ALKBH2: variants seen among roughly 807,000 people sequenced by gnomAD.
The protein encoded by ALKBH2 is alkB homolog 2, alpha-ketoglutarate dependent dioxygenase, also known as DNA oxidative demethylase ALKBH2.
In ALKBH2, 19 loss-of-function variants were observed where a neutral mutation model predicts 19.7. The ratio of observed to expected loss-of-function variants is 0.97; its 90% CI spans 0.67 to 1.42. The LOEUF is 1.42. Ranked by LOEUF, ALKBH2 falls within the 40% of genes most tolerant of loss-of-function variation. The probability of loss-of-function intolerance (pLI) is 0.00; values close to 1 mark genes in which losing one functional copy is unlikely to be tolerated. For missense variants in ALKBH2, 310 were observed against 328.5 expected, an observed-to-expected ratio of 0.94 and a Z score of 0.43; for synonymous variants, 135 against 131.2, an observed-to-expected ratio of 1.03 and a Z score of -0.20.
chr12:109,091,797 G>A (rs1271891828), intron 2 of ALKBH2, among the ~76,000 whole-genome samples: 1 of 152,178 alleles, frequency 6.6e-6, no homozygotes, highest in Non-Finnish European at 1.5e-5. Flanking sequence ...TGATTCGCCC[G>A]TCTCGGGCTC....
chr12:109,093,056 T>C (rs1266003941), intron 1 of ALKBH2, 119 bp from the exon 2 acceptor site: 5 of 663,116 alleles, frequency 7.5e-6, no homozygotes, highest in Middle Eastern at 4.7e-4. Context: ...AACCCAGAGG[T>C]CTGCACTCCA....
rs767226882 is a variant in ALKBH2 at position 109,092,507 on chromosome 12, C to G, written c.280G>C (p.Gly94Arg). 1.4e-5 allele frequency: 22 copies of G among 1,570,472 alleles called. No individual in the cohort carries two copies. The highest frequency in any genetic ancestry group is 1.1e-4 in the Admixed American group (6 of 56,290). ...CACACACACACACCCCTCTGCTTAC[C>G]TGTAAAATATTCTACTTCTTTCTCC... is the stretch of plus-strand genomic sequence containing the variant. ...ELEKEVEYFT[G>R]ALARVQVFGK... The change falls in exon 2 of 4, where the codon GGA becomes CGA. Residue 94 changes from glycine (G) to arginine (R), a missense_variant and splice_region_variant. Transcript: ENST00000429722.
At chr12:109,092,191 T>C in intron 2 of ALKBH2, 1 of 242,420 alleles carries the variant, frequency 4.1e-6, no homozygotes, top group Non-Finnish European at 7.8e-6. Context: ...TGAAGTGCTC[T>C]GCAGTAGAAC....
At position 109,092,729 on chromosome 12, in the gene ALKBH2, G is replaced by A. The variant is rs1209718859; in HGVS notation, c.58C>T (p.Gln20Ter). 6.2e-7 allele frequency: 1 copy of A among 1,613,904 alleles called. No homozygotes were observed. The highest frequency in any genetic ancestry group is 8.5e-7 in the Non-Finnish European group (1 of 1,180,006). ...QGGLLRKQEE[Q>*]EPTGEEPAVL... is the part of the protein sequence containing the mutation. ...GCTGGCTCTTCTCCAGTTGGCTCTTGCTCCTCCTGCTTCCTCAAAAGGCCC... is the reference window on the plus strand; with the variant it reads ...GCTGGCTCTTCTCCAGTTGGCTCTTACTCCTCCTGCTTCCTCAAAAGGCCC... Residue 20 changes from glutamine (Q) to a stop codon, truncating the protein, a stop_gained, in exon 2 of 4, where the codon CAA becomes TAA. Transcript: ENST00000429722. LOFTEE classifies it high-confidence loss of function.
Position 109,090,053 on chromosome 12 carries a change from G to GACGT in ALKBH2, c.431_434dup (p.Ser146ArgfsTer18). On this transcript the variant is annotated frameshift_variant, in exon 3 of 4. Coordinates refer to ENST00000429722, the MANE Select transcript of ALKBH2 (RefSeq NM_001145374.2). LOFTEE classifies it high-confidence loss of function. ...TGAAGGTCTGTCCAGTCACCCCAGA[G>GACGT]ACGTGATCCCGGATGCGCTCTAGAA... The GACGT allele has an allele frequency of 6.2e-7, 1 of 1,614,228 alleles. No individual in the cohort carries two copies. Among genetic ancestry groups the GACGT allele is most frequent in the Non-Finnish European group, 8.5e-7 (1 of 1,180,044 alleles).
In ALKBH2 at chr12:109,088,781, C is replaced by T. The variant is rs1040395631; in HGVS notation, c.480-269G>A. Among the ~76,000 whole-genome samples, 2 of 152,216 alleles carry T rather than the reference C, an allele frequency of 1.3e-5. No homozygotes were observed. ...CCAGGCTGAAGTGCAGTGGCACAAT[C>T]ATAGCTCACTGCAGCCTCGGCCTCC... On this transcript the variant is annotated intron_variant, in intron 3 of 3. Coordinates refer to ENST00000429722, the MANE Select transcript of ALKBH2 (RefSeq NM_001145374.2). This position sits in a 1 kb window ranked among gnomAD's most constrained non-coding sequence, Gnocchi z 4.2.
rs890925505 is a variant in ALKBH2, at chr12:109,089,905, A to G, written c.479+104T>C. Reference sequence around the variant, plus strand: ...CCACTCTTAGAGCCCCAGTGTACTAAGAAATGATTTGTACCAATGAACCAA... The same window carrying G: ...CCACTCTTAGAGCCCCAGTGTACTAGGAAATGATTTGTACCAATGAACCAA... On this transcript the variant is annotated intron_variant, in intron 3 of 3. Coordinates refer to ENST00000429722, the MANE Select transcript of ALKBH2 (RefSeq NM_001145374.2). 1.3e-5 allele frequency: 16 copies of G among 1,264,052 alleles called. No homozygotes were observed. The African/African-American group carries it at 2.3e-4, about 19-fold the overall frequency. 78.3% of individuals were successfully genotyped at this position (1,264,052 alleles called of 1,614,324 possible). A position where few individuals can be genotyped will look rare whatever the true frequency, so the allele number is the denominator to read the frequency against.
At chr12:109,091,411 G>C (rs1394809054) in intron 2 of ALKBH2, among the ~76,000 whole-genome samples, 2 of 152,066 alleles carry the variant, frequency 1.3e-5, no homozygotes, top group Non-Finnish European at 2.9e-5. Flanking sequence ...AAAGTGACGA[G>C]GGGGTCTCAC....
rs140862232 is a variant in ALKBH2 at position 109,090,140 on chromosome 12, G to A, written c.348C>T (p.Gly116=). ...HSVPRKQATY[G]DAGLTYTFSG... is the part of the protein sequence containing the mutation. The stretch of plus-strand genomic sequence containing the variant: ...AAAATGTGTAGGTCAGCCCAGCGTC[G>A]CCATACGTTGCCTGCTTCCTGGGCA... The change falls in exon 3 of 4, where the codon GGC becomes GGT. Residue 116 remains glycine (G), a synonymous_variant. Transcript: ENST00000429722. 57 of 1,613,978 alleles carry A rather than the reference G, an allele frequency of 3.5e-5. No homozygotes were observed. Among genetic ancestry groups the A allele is most frequent in the South Asian group, 2.4e-4 (22 of 91,076 alleles).
intron 2 of ALKBH2, among the ~76,000 whole-genome samples, chr12:109,090,431 T>G (rs1468210944): frequency 6.6e-6 from 1 of 152,216 alleles, no homozygotes; most frequent in East Asian, 1.9e-4. Context: ...ATTTTCTTTT[T>G]GTTTTGTTTT....
At chr12:109,089,266 G>A (rs186021726) in intron 3 of ALKBH2, among the ~76,000 whole-genome samples, 3 of 152,274 alleles carry the variant, frequency 2.0e-5, no homozygotes, top group Admixed American at 1.3e-4. Context: ...CCAGATGTCT[G>A]TGGCTGGCAC....
Position 109,088,606 on chromosome 12 carries a change from G to T in ALKBH2, c.480-94C>A. ...CTCGTTTTCCTCACAGTGTGAAACA[G>T]CACTCTGCATGGCTGTACCTGCCGT... On this transcript the variant is annotated intron_variant, in intron 3 of 3. Transcript: ENST00000429722. This position sits in a 1 kb window ranked among gnomAD's most constrained non-coding sequence, Gnocchi z 4.2. The T allele has an allele frequency of 8.2e-7, 1 of 1,224,052 alleles. No homozygotes were observed. The highest frequency in any genetic ancestry group is 1.1e-6 in the Non-Finnish European group (1 of 880,694). The allele number at this position is 1,224,052 out of a possible 1,614,324, so 75.8% of individuals were successfully genotyped here.
Position 109,092,720 on chromosome 12 carries a change from T to C in ALKBH2, c.67A>G (p.Thr23Ala), listed in dbSNP as rs760263376. The change falls in exon 2 of 4, where the codon ACT (threonine) becomes GCT (alanine). Residue 23 changes from threonine (T) to alanine (A), a missense_variant. Thr to Ala is a moderately conservative substitution (Grantham distance 58). Coordinates refer to ENST00000429722, the MANE Select transcript of ALKBH2 (RefSeq NM_001145374.2). ...CCCAACACAGCTGGCTCTTCTCCAG[T>C]TGGCTCTTGCTCCTCCTGCTTCCTC... ...LLRKQEEQEP[T>A]GEEPAVLGGD... The C allele has an allele frequency of 6.2e-7, 1 of 1,613,874 alleles. No homozygotes were observed. The highest frequency in any genetic ancestry group is 8.5e-7 in the Non-Finnish European group (1 of 1,179,988).
At position 109,088,581 on chromosome 12, in the gene ALKBH2, C is replaced by T; in HGVS notation, c.480-69G>A. 7.0e-7 allele frequency: 1 copy of T among 1,433,150 alleles called. No homozygotes were observed. Among genetic ancestry groups the T allele is most frequent in the Non-Finnish European group, 9.5e-7 (1 of 1,056,420 alleles). 88.8% of individuals were successfully genotyped at this position (1,433,150 alleles called of 1,614,324 possible). On this transcript the variant is annotated intron_variant, in intron 3 of 3. Coordinates refer to ENST00000429722, the MANE Select transcript of ALKBH2 (RefSeq NM_001145374.2). The surrounding 1 kb of genome is among the most constrained non-coding windows in gnomAD (Gnocchi z 4.2). ...CTGAAACTCACCAGCACCGCCAGCC[C>T]TCGTTTTCCTCACAGTGTGAAACAG...
chr12:109,088,390 T>C lies in ALKBH2; in HGVS notation c.602A>G (p.Asp201Gly), dbSNP rs768043813. ...CCTGGAGGGGCTTTTCCCACGGGAA[T>C]CCTTATGCCGGAAGACAAAGTCTCT... ...ACRDFVFRHK[D>G]SRGKSPSRRV... The change falls in exon 4 of 4, where the codon GAT becomes GGT. Residue 201 changes from aspartate to glycine, a missense_variant. Asp to Gly is a moderately conservative substitution (Grantham distance 94). Transcript: ENST00000429722. The surrounding 1 kb of genome is among the most constrained non-coding windows in gnomAD (Gnocchi z 4.2). 5 of 1,613,644 alleles carry C rather than the reference T, an allele frequency of 3.1e-6. No homozygotes were observed. The highest frequency in any genetic ancestry group is 4.2e-6 in the Non-Finnish European group (5 of 1,179,972).
At chr12:109,091,936 A>AC (rs1346064768) in intron 2 of ALKBH2, among the ~76,000 whole-genome samples, 1 of 152,172 alleles carries the variant, frequency 6.6e-6, no homozygotes, top group Non-Finnish European at 1.5e-5. Flanking sequence ...TGCTCCCCAG[A>AC]CCAGCAGCAC....
At chr12:109,090,350 A>G (rs1418397295) in intron 2 of ALKBH2, 143 bp from the exon 3 acceptor site, 2 of 691,370 alleles carry the variant, frequency 2.9e-6, no homozygotes, top group African/African-American at 3.6e-5. Flanking sequence ...AAAGGGAAGT[A>G]AGGAATAACA....
At chr12:109,091,792 C>G (rs555265619) in intron 2 of ALKBH2, among the ~76,000 whole-genome samples, 11 of 152,326 alleles carry the variant, frequency 7.2e-5, no homozygotes, top group African/African-American at 2.6e-4. Flanking sequence ...TCAAGTGATT[C>G]GCCCGTCTCG....
Position 109,088,684 on chromosome 12 carries a change from G to A in ALKBH2, c.480-172C>T, listed in dbSNP as rs2042008907. On this transcript the variant is annotated intron_variant, in intron 3 of 3. Coordinates refer to ENST00000429722, the MANE Select transcript of ALKBH2 (RefSeq NM_001145374.2). This position sits in a 1 kb window ranked among gnomAD's most constrained non-coding sequence, Gnocchi z 4.2. The stretch of plus-strand genomic sequence containing the variant: ...GTGGGCTCTAAGATAAGCCAACGCT[G>A]AAGAGGTCTGTTGACGTATTTGTTC... Among the ~76,000 whole-genome samples, 1 of 152,178 alleles carries A rather than the reference G, an allele frequency of 6.6e-6. No individual in the cohort carries two copies. The highest frequency in any genetic ancestry group is 2.4e-5 in the African/African-American group (1 of 41,440).
Sources: allele counts gnomAD v4.1 joint callset (sites outside exome capture counted in the v4.1 genomes callset), GRCh38; gene constraint gnomAD v4.1.1; non-coding constraint Gnocchi (gnomAD v3.1); transcripts MANE v1.5; gene names NCBI Gene and HGNC (gene_info 2026-07-23, HGNC 2026-07-21).